Variants in CDH4 observed in about 807,000 individuals in gnomAD.
CDH4 encodes cadherin-4.
A neutral mutation model predicts 86.0 loss-of-function variants in CDH4; 33 were observed. The ratio of observed to expected loss-of-function variants is 0.38; its 90% CI spans 0.29 to 0.51. The LOEUF (loss-of-function observed/expected upper bound fraction) is 0.51. Among genes scored for constraint, CDH4 ranks in the 20% least tolerant of loss-of-function variants. CDH4 has a pLI of 0.86. For missense variants in CDH4, 1,114 were observed against 1,307.4 expected (o/e 0.85, Z 2.28); for synonymous variants, 555 against 549.4 (o/e 1.01, Z -0.14).
chr20:61,658,904 T>G (rs6121450), intron 2 of CDH4, among the ~76,000 whole-genome samples: 22,463 of 151,962 alleles, frequency 0.15, 2,529 homozygotes, highest in African/African-American at 0.32. Flanking sequence ...GCGGAGAAGG[T>G]GTCCCCACAA....
At chr20:61,737,186 G>A (rs548597809) in intron 2 of CDH4, among the ~76,000 whole-genome samples, 3 of 152,308 alleles carry the variant, frequency 2.0e-5, no homozygotes, top group African/African-American at 7.2e-5. Flanking sequence ...GTGGGCAACA[G>A]AGGGTGGTCC....
chr20:61,396,134 T>C (rs1395861458), intron 2 of CDH4, among the ~76,000 whole-genome samples: 2 of 152,062 alleles, frequency 1.3e-5, no homozygotes, highest in Non-Finnish European at 1.5e-5. Flanking sequence ...CAGCGTCGAG[T>C]AGTTGCTGCA....
rs1600815461 is a variant in CDH4, at chr20:61,623,214, A to T, written c.170-120349A>T. 1.3e-5 allele frequency among the ~76,000 whole-genome samples: 2 copies of T among 151,952 alleles called. No individual in the cohort carries two copies. The highest frequency in any genetic ancestry group is 4.8e-5 in the African/African-American group (2 of 41,360). On this transcript the variant is annotated intron_variant, in intron 2 of 15. Coordinates refer to ENST00000614565, the MANE Select transcript of CDH4 (RefSeq NM_001794.5). The surrounding 1 kb of genome is among the most constrained non-coding windows in gnomAD (Gnocchi z 4.4). ...CCCTGCCTATGCCAGCCGCTGGCTC[A>T]CCCCACCTGCCACGCTGCACCCCAC...
rs181163924 is a variant in CDH4, at chr20:61,502,530, A to G, written c.170-241033A>G. ...CAGCTCATTGAAAGAGGAGTTACAGATGCAACATTGTCTGTGGTTGTGTGG... is the reference window on the plus strand; with the variant it reads ...CAGCTCATTGAAAGAGGAGTTACAGGTGCAACATTGTCTGTGGTTGTGTGG... On this transcript the variant is annotated intron_variant, in intron 2 of 15. Transcript: ENST00000614565. Among the ~76,000 whole-genome samples the G allele has an allele frequency of 2.6e-5, 4 of 152,298 alleles. No homozygotes were observed. In the East Asian group the frequency reaches 7.7e-4, roughly 29 times the overall value.
At chr20:61,916,978 G>A (rs1443621470) in intron 9 of CDH4, among the ~76,000 whole-genome samples, 2 of 152,216 alleles carry the variant, frequency 1.3e-5, no homozygotes, top group African/African-American at 4.8e-5. Flanking sequence ...TGCAGGGAAG[G>A]AGAGCACTCC....
chr20:61,663,183 C>T lies in CDH4; in HGVS notation c.170-80380C>T, dbSNP rs1051517735. ...GGGCCTGCAGCTCCATGAGTGTCCA[C>T]GCCTCCGTGTGTGGACTGATGAGGT... On this transcript the variant is annotated intron_variant, in intron 2 of 15. Transcript: ENST00000614565. The surrounding 1 kb of genome is among the most constrained non-coding windows in gnomAD (Gnocchi z 5.0). Among the ~76,000 whole-genome samples, 3 of 152,246 alleles carry T rather than the reference C, an allele frequency of 2.0e-5. No individual in the cohort carries two copies. Among genetic ancestry groups the T allele is most frequent in the Non-Finnish European group, 4.4e-5 (3 of 68,052 alleles).
chr20:61,901,837 G>A (rs1362445283), intron 8 of CDH4, among the ~76,000 whole-genome samples: 1 of 152,230 alleles, frequency 6.6e-6, no homozygotes, highest in Non-Finnish European at 1.5e-5. Context: ...CCTGCTCCGT[G>A]GGAAGAGGCA....
chr20:61,934,807 C>A (rs1357643821), intron 15 of CDH4, among the ~76,000 whole-genome samples: 2 of 152,284 alleles, frequency 1.3e-5, no homozygotes, highest in East Asian at 3.9e-4. Flanking sequence ...GGGCTGCCGC[C>A]TGACCACCTG....
intron 2 of CDH4, among the ~76,000 whole-genome samples, chr20:61,436,776 C>A (rs934574757): frequency 3.9e-5 from 6 of 152,212 alleles, no homozygotes; most frequent in Non-Finnish European, 5.9e-5. Flanking sequence ...ACTCTCTGGT[C>A]CTGTGCCTGG....
intron 11 of CDH4, among the ~76,000 whole-genome samples, chr20:61,927,350 A>G (rs965481806): frequency 1.3e-5 from 2 of 151,570 alleles, no homozygotes; most frequent in African/African-American, 4.9e-5. Context: ...GCATGTGAAG[A>G]CCCCAGGGAC....
intron 2 of CDH4, among the ~76,000 whole-genome samples, chr20:61,620,392 T>A (rs1392141754): frequency 6.6e-6 from 1 of 151,720 alleles, no homozygotes; most frequent in Admixed American, 6.6e-5. Flanking sequence ...GATACCTAGA[T>A]AATGGATGGA....
intron 3 of CDH4, among the ~76,000 whole-genome samples, chr20:61,746,385 T>C (rs919552992): frequency 6.6e-6 from 1 of 152,192 alleles, no homozygotes; most frequent in Non-Finnish European, 1.5e-5. Context: ...CTCCTGACTT[T>C]CTAGCACCCA....
At chr20:61,900,113 G>A (rs564569048) in intron 8 of CDH4, among the ~76,000 whole-genome samples, 1 of 152,214 alleles carries the variant, frequency 6.6e-6, no homozygotes, top group Non-Finnish European at 1.5e-5. Context: ...GCCTCAGCGG[G>A]GGGGACTGGC....
At chr20:61,386,670 G>C (rs978275834) in intron 2 of CDH4, among the ~76,000 whole-genome samples, 1 of 152,208 alleles carries the variant, frequency 6.6e-6, no homozygotes, top group Non-Finnish European at 1.5e-5. Flanking sequence ...TGTTCCCCTG[G>C]GGGTGACGGT....
chr20:61,521,245 G>T lies in CDH4; in HGVS notation c.170-222318G>T, dbSNP rs771468186. On this transcript the variant is annotated intron_variant, in intron 2 of 15. Coordinates refer to ENST00000614565, the MANE Select transcript of CDH4 (RefSeq NM_001794.5). ...TGCCAGATAGGCCCATTGGGAGCGG[G>T]TCTGTGCTCACAGCCTCCTCCAGCA... Among the ~76,000 whole-genome samples, 49 of 152,310 alleles carry T rather than the reference G, an allele frequency of 3.2e-4. 1 individual carries two copies. The highest frequency in any genetic ancestry group is 5.2e-4 in the Admixed American group (8 of 15,292).
rs1415821880 is a variant in CDH4 at position 61,252,865 on chromosome 20, C to T, written c.57+295C>T. 1.3e-5 allele frequency among the ~76,000 whole-genome samples: 2 copies of T among 151,958 alleles called. No homozygotes were observed. The highest frequency in any genetic ancestry group is 4.1e-4 in the South Asian group (2 of 4,830). On this transcript the variant is annotated intron_variant, in intron 1 of 15. Coordinates refer to ENST00000614565, the MANE Select transcript of CDH4 (RefSeq NM_001794.5). The surrounding 1 kb of genome is among the most constrained non-coding windows in gnomAD (Gnocchi z 4.4). ...GAGCCTCCCTCGAACGCCCAAAGCC[C>T]GTAGCCGCTACCCGGAGCTCGGCTT...
Position 61,714,023 on chromosome 20 carries a change from T to TTATGTTATGTTATG in CDH4, c.170-29539_170-29538insATGTTATGTTATGT, listed in dbSNP as rs1555828915. Among the ~76,000 whole-genome samples the TTATGTTATGTTATG allele has an allele frequency of 2.8e-4, 35 of 123,898 alleles. 1 individual carries two copies. The highest frequency in any genetic ancestry group is 8.0e-4 in the African/African-American group (20 of 24,888). The allele number at this position is 123,898 out of a possible 152,430, so 81.3% of individuals were successfully genotyped here. On this transcript the variant is annotated intron_variant, in intron 2 of 15. Transcript: ENST00000614565. ...GTCTTAGTCCATTGTCTATTCTTTT[T>TTATGTTATGTTATG]TTATTTTATTTTATTTTATTTTATT...
intron 2 of CDH4, among the ~76,000 whole-genome samples, chr20:61,598,321 C>A (rs1206172001): frequency 6.6e-6 from 1 of 152,028 alleles, no homozygotes; most frequent in Non-Finnish European, 1.5e-5. Flanking sequence ...CCCTGCCACC[C>A]CTGCTCCCTA....
intron 7 of CDH4, among the ~76,000 whole-genome samples, chr20:61,887,371 T>G (rs1173989108): frequency 6.6e-6 from 1 of 152,016 alleles, no homozygotes; most frequent in Non-Finnish European, 1.5e-5. Flanking sequence ...CCAGCTGCCC[T>G]CTAGTGGCAG....
Sources: allele counts gnomAD v4.1 joint callset (sites outside exome capture counted in the v4.1 genomes callset), GRCh38; gene constraint gnomAD v4.1.1; non-coding constraint Gnocchi (gnomAD v3.1); transcripts MANE v1.5; gene names NCBI Gene and HGNC (gene_info 2026-07-23, HGNC 2026-07-21).